IGSF10: variants seen among roughly 807,000 people sequenced by gnomAD.
IGSF10 encodes immunoglobulin superfamily member 10.
A neutral mutation model predicts 128.2 loss-of-function variants in IGSF10; 126 were observed. That is an observed-to-expected ratio of 0.98 (90% CI 0.85 to 1.14). IGSF10 has a LOEUF of 1.14. Among genes scored for constraint, IGSF10 ranks in the 50% most tolerant of loss-of-function variants. IGSF10 has a pLI of 0.00. For missense variants in IGSF10, 3,295 were observed against 3,149.8 expected, an observed-to-expected ratio of 1.05 and a Z score of -1.10; for synonymous variants, 1,185 against 1,146.2, an observed-to-expected ratio of 1.03 and a Z score of -0.68.
At chr3:151,559,469 T>C in the IGSF10 span, among the ~76,000 whole-genome samples, 9 of 152,282 alleles carry the variant, frequency 5.9e-5, no homozygotes, top group Admixed American at 2.0e-4. Context: ...GAAACAACTA[T>C]TGGGAGAGTA....
chr3:151,526,934 G>A, the IGSF10 span, among the ~76,000 whole-genome samples: 1 of 152,194 alleles, frequency 6.6e-6, no homozygotes, highest in African/African-American at 2.4e-5. Flanking sequence ...ATGTACATAT[G>A]TGAAGGAGAA....
chr3:151,602,811 A>C, the IGSF10 span, among the ~76,000 whole-genome samples: 2 of 152,192 alleles, frequency 1.3e-5, no homozygotes, highest in African/African-American at 4.8e-5. Flanking sequence ...AAGATAACTG[A>C]AGGGAATAGG....
downstream of IGSF10, chr3:151,432,577 G>A (rs1719658239): frequency 7.5e-6 from 4 of 536,178 alleles, no homozygotes; most frequent in African/African-American, 1.9e-5. Context: ...TGTCCCCTCT[G>A]CAGGGTGGTA....
Position 151,437,103 on chromosome 3 carries a change from A to G in IGSF10, c.7458T>C (p.His2486=), listed in dbSNP as rs1171385422. ...RPQINGKYIL[H]DNGTLVIKEA... ...CTTTAATGACTAAGGTGCCATTGTCATGCAATATGTATTTCCCATTAATTT... is the reference window on the plus strand; with the variant it reads ...CTTTAATGACTAAGGTGCCATTGTCGTGCAATATGTATTTCCCATTAATTT... The change falls in exon 8 of 8, where the codon CAT becomes CAC. Residue 2486 remains histidine, a synonymous_variant. Coordinates refer to ENST00000282466, the MANE Select transcript of IGSF10 (RefSeq NM_178822.5). The G allele has an allele frequency of 1.9e-6, 3 of 1,614,216 alleles. No homozygotes were observed. The highest frequency in any genetic ancestry group is 2.5e-6 in the Non-Finnish European group (3 of 1,180,030).
At chr3:151,499,234 TA>T in the IGSF10 span, among the ~76,000 whole-genome samples, 1,816 of 152,238 alleles carry the variant, frequency 0.012, 92 homozygotes, top group East Asian at 0.17. Flanking sequence ...TTTATTTGAC[TA>T]AAAAAGTCTT....
intron 3 of IGSF10, among the ~76,000 whole-genome samples, chr3:151,457,750 T>C (rs1206263652): frequency 6.6e-6 from 1 of 152,252 alleles, no homozygotes; most frequent in Non-Finnish European, 1.5e-5. Context: ...CTTAACCCAA[T>C]GCCAGCACCT....
the IGSF10 span, among the ~76,000 whole-genome samples, chr3:151,521,840 C>G: frequency 1.3e-5 from 2 of 151,746 alleles, no homozygotes; most frequent in Non-Finnish European, 2.9e-5. Context: ...TAGCAGAAGA[C>G]AAGAAATAAC....
chr3:151,543,785 C>T, the IGSF10 span, among the ~76,000 whole-genome samples: 2 of 152,190 alleles, frequency 1.3e-5, no homozygotes, highest in Admixed American at 6.5e-5. Flanking sequence ...TGGATATCTG[C>T]CTTGGCCTAT....
In IGSF10 at chr3:151,442,380, A is replaced by ATTTTTTT. The variant is rs3975405; in HGVS notation, c.5963+597_5963+603dup. On this transcript the variant is annotated intron_variant, in intron 7 of 7. Coordinates refer to ENST00000282466, the MANE Select transcript of IGSF10 (RefSeq NM_178822.5). Reference sequence around the variant, plus strand: ...GTGTGAATATATTTATACAATTACTATTTTTTTTTTTTTTTTTGAGACAAA... The same window carrying ATTTTTTT: ...GTGTGAATATATTTATACAATTACTATTTTTTTTTTTTTTTTTTTTTTTTGAGACAAA... Among the ~76,000 whole-genome samples, 27 of 124,494 alleles carry ATTTTTTT rather than the reference A, an allele frequency of 2.2e-4. 2 individuals are homozygous for ATTTTTTT. Among genetic ancestry groups the ATTTTTTT allele is most frequent in the East Asian group, 1.2e-3 (5 of 4,334 alleles). The allele number at this position is 124,494 out of a possible 152,430, so 81.7% of individuals were successfully genotyped here.
chr3:151,499,156 A>G, the IGSF10 span, among the ~76,000 whole-genome samples: 3 of 152,162 alleles, frequency 2.0e-5, no homozygotes, highest in Non-Finnish European at 4.4e-5. Flanking sequence ...TATGTATTTC[A>G]TCTGAATTAT....
At chr3:151,558,535 G>T in the IGSF10 span, among the ~76,000 whole-genome samples, 3 of 149,294 alleles carry the variant, frequency 2.0e-5, no homozygotes, top group Non-Finnish European at 4.4e-5. Context: ...TTTTTTTTGA[G>T]ACCGAGTCTT....
chr3:151,475,116 G>A, the IGSF10 span, among the ~76,000 whole-genome samples: 1 of 152,114 alleles, frequency 6.6e-6, no homozygotes, highest in East Asian at 1.9e-4. Context: ...TAAATGTTTT[G>A]TATATAGCCA....
the IGSF10 span, among the ~76,000 whole-genome samples, chr3:151,614,362 A>G: frequency 6.6e-6 from 1 of 152,230 alleles, no homozygotes; most frequent in Non-Finnish European, 1.5e-5. Flanking sequence ...CTATAAAGAC[A>G]CATGCACACG....
chr3:151,458,759 C>T (rs1018716936), intron 2 of IGSF10, 49 bp from the exon 3 acceptor site: 1 of 1,480,376 alleles, frequency 6.8e-7, no homozygotes, highest in Non-Finnish European at 9.3e-7. Flanking sequence ...GGAGCAAAGT[C>T]CCAGGACCAC....
chr3:151,458,373 CAAAA>C, intron 3 of IGSF10, 139 bp downstream of exon 3: 1 of 603,142 alleles, frequency 1.7e-6, no homozygotes, highest in East Asian at 3.3e-5. Context: ...CCCCAACAAA[CAAAA>C]TTCTCATGAG....
chr3:151,561,234 A>AT, the IGSF10 span, among the ~76,000 whole-genome samples: 1 of 152,104 alleles, frequency 6.6e-6, no homozygotes, highest in Non-Finnish European at 1.5e-5. Context: ...GTTTTTGATA[A>AT]TTTTTTCTTT....
chr3:151,497,346 T>C, the IGSF10 span, among the ~76,000 whole-genome samples: 1 of 152,202 alleles, frequency 6.6e-6, no homozygotes, highest in Non-Finnish European at 1.5e-5. Flanking sequence ...TTGAATTAAT[T>C]TTAGTATAAG....
chr3:151,441,495 T>G (rs1030710470), intron 7 of IGSF10, among the ~76,000 whole-genome samples: 3 of 152,200 alleles, frequency 2.0e-5, no homozygotes, highest in Admixed American at 6.5e-5. Flanking sequence ...CAAGTTAAAT[T>G]TATTAGCTGT....
the IGSF10 span, among the ~76,000 whole-genome samples, chr3:151,474,122 G>A: frequency 1.3e-5 from 2 of 152,082 alleles, no homozygotes; most frequent in African/African-American, 4.8e-5. Context: ...AAAAGTAGAT[G>A]ACAACATACA....
Sources: gnomAD v4.1 joint callset for allele counts (sites outside exome capture counted in the v4.1 genomes callset) on GRCh38, gnomAD v4.1.1 for gene constraint, MANE v1.5 for transcripts, NCBI Gene and HGNC (gene_info 2026-07-23, HGNC 2026-07-21) for gene names.